Variants in FAM222B observed in about 807,000 individuals in gnomAD.
The protein encoded by FAM222B is family with sequence similarity 222 member B, also known as protein FAM222B.
In FAM222B, 12 loss-of-function variants were observed where a neutral mutation model predicts 38.0. The ratio of observed to expected loss-of-function variants is 0.32; its 90% CI spans 0.20 to 0.51. The LOEUF (loss-of-function observed/expected upper bound fraction) is 0.51, where lower values mean the gene tolerates loss of function less well. Ranked by LOEUF, FAM222B falls within the 20% of genes least tolerant of loss-of-function variation. FAM222B has a pLI of 0.97. For synonymous variants in FAM222B, 329 were observed against 317.2 expected, an observed-to-expected ratio of 1.04 and a Z score of -0.40; for missense variants, 716 against 754.2, an observed-to-expected ratio of 0.95 and a Z score of 0.59.
At chr17:28,820,961 A>ATT (rs980205884) in intron 1 of FAM222B, among the ~76,000 whole-genome samples, 1 of 131,090 alleles carries the variant, frequency 7.6e-6, no homozygotes, top group Admixed American at 7.8e-5. Context: ...TTTTTATTTT[A>ATT]TTTTTTTTTT....
Position 28,759,829 on chromosome 17 carries a change from C to G in FAM222B, c.130G>C (p.Glu44Gln). 6.3e-7 allele frequency: 1 copy of G among 1,581,470 alleles called. No homozygotes were observed. Residue 44 changes from glutamate (E) to glutamine (Q), a missense_variant, in exon 3 of 3, where the codon GAA (glutamate) becomes CAA (glutamine). Glu to Gln is a conservative substitution (Grantham distance 29). Transcript: ENST00000581407. The surrounding 1 kb of genome is among the most constrained non-coding windows in gnomAD (Gnocchi z 4.8). Reference protein sequence around the residue: ...MRTAHYPTPAELDAYAKKVAN... With the variant: ...MRTAHYPTPAQLDAYAKKVAN... ...ACCTTCTTAGCATACGCATCCAATT[C>G]GGCTGGGGTAGGATAGTGAGCAGTT...
At chr17:28,772,905 A>T (rs1339457005) in intron 1 of FAM222B, among the ~76,000 whole-genome samples, 1 of 152,168 alleles carries the variant, frequency 6.6e-6, no homozygotes, top group Non-Finnish European at 1.5e-5. Flanking sequence ...AAAACAAAAC[A>T]AAAGAAAAAA....
intron 1 of FAM222B, among the ~76,000 whole-genome samples, chr17:28,776,146 G>A (rs1230073298): frequency 6.6e-6 from 1 of 150,706 alleles, no homozygotes; most frequent in Non-Finnish European, 1.5e-5. Flanking sequence ...GCTGAGGCGG[G>A]CGTATCATGA....
intron 1 of FAM222B, among the ~76,000 whole-genome samples, chr17:28,799,887 TG>T (rs1676766520): frequency 6.6e-6 from 1 of 151,522 alleles, no homozygotes; most frequent in Non-Finnish European, 1.5e-5. Context: ...GGATTATAGG[TG>T]TGAGTCACCA....
chr17:28,788,071 G>A (rs939896727), intron 1 of FAM222B, among the ~76,000 whole-genome samples: 6 of 152,028 alleles, frequency 3.9e-5, no homozygotes, highest in Non-Finnish European at 7.4e-5. Flanking sequence ...TGATCCGCCC[G>A]CCTCGGCCTC....
At chr17:28,784,605 G>A (rs1469791727) in intron 1 of FAM222B, among the ~76,000 whole-genome samples, 4 of 150,932 alleles carry the variant, frequency 2.7e-5, no homozygotes, top group African/African-American at 9.7e-5. Flanking sequence ...CTGGGAGGCT[G>A]AGGTGGGCGG....
chr17:28,841,147 T>A (rs1436407993), intron 1 of FAM222B, among the ~76,000 whole-genome samples: 1 of 151,044 alleles, frequency 6.6e-6, no homozygotes, highest in Admixed American at 6.6e-5. Context: ...CTACAAAAAT[T>A]AGCCAGGCGT....
intron 1 of FAM222B, among the ~76,000 whole-genome samples, chr17:28,794,348 T>C (rs2151881719): frequency 6.6e-6 from 1 of 151,948 alleles, no homozygotes; most frequent in African/African-American, 2.4e-5. Flanking sequence ...GCCTCCCAAG[T>C]AGCTGGGACT....
rs2034789829 is a variant in FAM222B at position 28,757,999 on chromosome 17, A to G, written c.*271T>C. ...AAAGATGGGTGGGAGCTGGCTGGAAATGGCCAAGGTGGAGAGACTAGCTGA... is the reference window on the plus strand; with the variant it reads ...AAAGATGGGTGGGAGCTGGCTGGAAGTGGCCAAGGTGGAGAGACTAGCTGA... On this transcript the variant is annotated 3_prime_UTR_variant, in exon 3 of 3. Transcript: ENST00000581407. The G allele has an allele frequency of 3.2e-6, 1 of 309,640 alleles. No homozygotes were observed. Among genetic ancestry groups the G allele is most frequent in the African/African-American group, 2.1e-5 (1 of 46,696 alleles). 19.2% of individuals were successfully genotyped at this position (309,640 alleles called of 1,614,324 possible).
At chr17:28,846,094 A>G (rs1339180029), upstream of FAM222B, among the ~76,000 whole-genome samples, 1 of 150,830 alleles carries the variant, frequency 6.6e-6, no homozygotes, top group Non-Finnish European at 1.5e-5. Context: ...TCCCAGGTAC[A>G]CAGGAGGCTG....
At chr17:28,765,451 C>T in intron 2 of FAM222B, among the ~76,000 whole-genome samples, 1 of 152,142 alleles carries the variant, frequency 6.6e-6, no homozygotes, top group East Asian at 1.9e-4. Context: ...GCTATCTGGG[C>T]TTTACAGAAA....
chr17:28,796,999 T>C (rs1051279599), intron 1 of FAM222B, among the ~76,000 whole-genome samples: 1 of 144,512 alleles, frequency 6.9e-6, no homozygotes. Context: ...TATTGCTTTT[T>C]TTTTTTTTTT....
chr17:28,828,822 C>T (rs867995935), intron 1 of FAM222B, among the ~76,000 whole-genome samples: 53 of 151,940 alleles, frequency 3.5e-4, no homozygotes, highest in African/African-American at 1.3e-3. Context: ...AGTTGTGTAA[C>T]CACAACTACA....
chr17:28,772,729 T>C (rs542586987), intron 1 of FAM222B, among the ~76,000 whole-genome samples: 1 of 152,138 alleles, frequency 6.6e-6, no homozygotes, highest in East Asian at 1.9e-4. Flanking sequence ...ACCCCATCTC[T>C]ACTAAAAATA....
In FAM222B at chr17:28,757,314, G is replaced by A. The variant is rs1052009199; in HGVS notation, c.*956C>T. The A allele has an allele frequency of 9.8e-5, 15 of 152,516 alleles. No individual in the cohort carries two copies. Among genetic ancestry groups the A allele is most frequent in the South Asian group, 4.1e-4 (2 of 4,822 alleles). 9.4% of individuals were successfully genotyped at this position (152,516 alleles called of 1,614,324 possible). A position where few individuals can be genotyped will look rare whatever the true frequency, so the allele number is the denominator to read the frequency against. On this transcript the variant is annotated 3_prime_UTR_variant, in exon 3 of 3. Coordinates refer to ENST00000581407, the MANE Select transcript of FAM222B (RefSeq NM_001077498.3). ...ACCCACACTACATTCATACAGAAAC[G>A]TAACGTTTAAAACTTACAGTGTAGA...
At chr17:28,760,542 T>C (rs1431372908) in intron 2 of FAM222B, among the ~76,000 whole-genome samples, 1 of 150,906 alleles carries the variant, frequency 6.6e-6, no homozygotes, top group Non-Finnish European at 1.5e-5. Context: ...ATCGCACCAC[T>C]GCACTCCAAC....
chr17:28,771,417 C>T (rs1023361198), intron 1 of FAM222B, among the ~76,000 whole-genome samples: 4 of 152,126 alleles, frequency 2.6e-5, no homozygotes, highest in Non-Finnish European at 5.9e-5. Flanking sequence ...CGTGGTGGCT[C>T]AAGCCTGTAA....
intron 1 of FAM222B, among the ~76,000 whole-genome samples, chr17:28,805,401 G>A (rs2037439039): frequency 2.0e-5 from 3 of 152,084 alleles, no homozygotes; most frequent in African/African-American, 7.2e-5. Flanking sequence ...CTGGTGTGGT[G>A]GTACATGCCT....
chr17:28,835,389 C>T (rs554691694), intron 1 of FAM222B, among the ~76,000 whole-genome samples: 56 of 152,086 alleles, frequency 3.7e-4, no homozygotes, highest in South Asian at 1.0e-3. Flanking sequence ...TCCCTCCCAG[C>T]GCCTAGTACA....
Sources: allele counts gnomAD v4.1 joint callset (sites outside exome capture counted in the v4.1 genomes callset), GRCh38; gene constraint gnomAD v4.1.1; non-coding constraint Gnocchi (gnomAD v3.1); transcripts MANE v1.5; gene names NCBI Gene and HGNC (gene_info 2026-07-23, HGNC 2026-07-21).